The following TGFA variants were observed in gnomAD, a reference collection of about 807,000 sequenced individuals.
TGFA encodes the protein protransforming growth factor alpha.
A neutral mutation model predicts 21.7 loss-of-function variants in TGFA; 12 were observed. That is an observed-to-expected ratio of 0.55 (90% CI 0.35 to 0.90). TGFA has a LOEUF of 0.90. Ranked by LOEUF, TGFA falls within the 40% of genes least tolerant of loss-of-function variation. The pLI, the probability that TGFA is intolerant of heterozygous loss-of-function variation, is 0.01. For missense variants in TGFA, 178 were observed against 210.8 expected, an observed-to-expected ratio of 0.84 and a Z score of 0.96; for synonymous variants, 79 against 88.1, an observed-to-expected ratio of 0.90 and a Z score of 0.58.
chr2:70,543,567 C>T (rs563597354), intron 1 of TGFA, among the ~76,000 whole-genome samples: 89 of 151,164 alleles, frequency 5.9e-4, no homozygotes, highest in African/African-American at 2.2e-3. Flanking sequence ...TTAACTGGGG[C>T]CACAGATACA....
At chr2:70,515,793 A>C (rs1454349788) in intron 1 of TGFA, among the ~76,000 whole-genome samples, 1 of 152,170 alleles carries the variant, frequency 6.6e-6, no homozygotes, top group East Asian at 1.9e-4. Context: ...AAGAAAACCT[A>C]GGGGAGGCAG....
chr2:70,548,596 A>G (rs900617315), intron 1 of TGFA, among the ~76,000 whole-genome samples: 6 of 152,192 alleles, frequency 3.9e-5, no homozygotes, highest in Non-Finnish European at 4.4e-5. Flanking sequence ...TTAAAGCCAA[A>G]CGTGCTAGGC....
At chr2:70,481,905 C>A (rs1414295895) in intron 2 of TGFA, among the ~76,000 whole-genome samples, 3 of 152,176 alleles carry the variant, frequency 2.0e-5, no homozygotes, top group African/African-American at 7.2e-5. Context: ...TTGACAGCAA[C>A]CTCAATGAGA....
intron 2 of TGFA, among the ~76,000 whole-genome samples, chr2:70,498,107 T>C (rs1471701652): frequency 6.6e-6 from 1 of 151,930 alleles, no homozygotes; most frequent in Non-Finnish European, 1.5e-5. Context: ...TTTGGTGAGA[T>C]CTCAGAATCC....
At chr2:70,460,358 A>G (rs1670372112) in intron 3 of TGFA, among the ~76,000 whole-genome samples, 1 of 141,936 alleles carries the variant, frequency 7.0e-6, no homozygotes, top group South Asian at 2.3e-4. Flanking sequence ...GGAAAAAGAA[A>G]AAGGTTTGGT....
intron 2 of TGFA, among the ~76,000 whole-genome samples, chr2:70,468,822 G>C (rs1411033029): frequency 6.6e-6 from 1 of 152,050 alleles, no homozygotes; most frequent in African/African-American, 2.4e-5. Context: ...TCTACATTAT[G>C]GTGAGTTGTA....
intron 2 of TGFA, among the ~76,000 whole-genome samples, chr2:70,472,654 G>A (rs1330389873): frequency 6.6e-6 from 1 of 152,162 alleles, no homozygotes. Flanking sequence ...GCTCCCCTGG[G>A]AGCAGCATCC....
At position 70,453,238 on chromosome 2, in the gene TGFA, G is replaced by T. The variant is rs782326575; in HGVS notation, c.455C>A (p.Ala152Asp). ...KPSALLKGRT[A>D]CCHSETVV ...CTTACCTGTTTCTGAGTGGCAGCAA[G>T]CGGTTCTTCCCTTCAGGAGGGCGCT... is the stretch of plus-strand genomic sequence containing the variant. The change falls in exon 5 of 6, where the codon GCT (alanine) becomes GAT (aspartate). Residue 152 changes from alanine (A) to aspartate (D), a missense_variant. Transcript: ENST00000295400. 2 of 1,613,838 alleles carry T rather than the reference G, an allele frequency of 1.2e-6. No homozygotes were observed. The highest frequency in any genetic ancestry group is 1.7e-6 in the Non-Finnish European group (2 of 1,179,826).
At chr2:70,466,048 A>G (rs1670549509) in intron 2 of TGFA, among the ~76,000 whole-genome samples, 1 of 152,254 alleles carries the variant, frequency 6.6e-6, no homozygotes, top group South Asian at 2.1e-4. Flanking sequence ...TCACTTTTGC[A>G]AAGTGACAGT....
At chr2:70,497,201 C>T (rs782640054) in intron 2 of TGFA, among the ~76,000 whole-genome samples, 11 of 152,276 alleles carry the variant, frequency 7.2e-5, no homozygotes, top group African/African-American at 1.2e-4. Context: ...GTGTTGCACC[C>T]GGCAGAGCTC....
chr2:70,506,364 A>G (rs1671926436), intron 2 of TGFA, among the ~76,000 whole-genome samples: 1 of 152,232 alleles, frequency 6.6e-6, no homozygotes. Flanking sequence ...AGGGCAGTAC[A>G]TTCAGCCTCA....
At chr2:70,481,351 T>C (rs1238754586) in intron 2 of TGFA, among the ~76,000 whole-genome samples, 1 of 152,206 alleles carries the variant, frequency 6.6e-6, no homozygotes, top group Admixed American at 6.5e-5. Context: ...ACTGGCATTC[T>C]ATTTGGGCAG....
At chr2:70,517,939 C>T (rs1553501797) in intron 1 of TGFA, among the ~76,000 whole-genome samples, 1 of 152,266 alleles carries the variant, frequency 6.6e-6, no homozygotes, top group East Asian at 1.9e-4. Context: ...TCACCAGCTG[C>T]CCAGCCCTCT....
At chr2:70,526,680 T>C (rs900204861) in intron 1 of TGFA, among the ~76,000 whole-genome samples, 1 of 152,128 alleles carries the variant, frequency 6.6e-6, no homozygotes, top group Non-Finnish European at 1.5e-5. Flanking sequence ...TATGGGAAAA[T>C]GGGAGTGGGA....
intron 2 of TGFA, among the ~76,000 whole-genome samples, chr2:70,497,857 A>G (rs782791237): frequency 2.0e-5 from 3 of 152,182 alleles, no homozygotes; most frequent in Non-Finnish European, 4.4e-5. Context: ...AAATGCGCAA[A>G]TCTGTATTTT....
rs534154593 is a variant in TGFA, at chr2:70,516,965, T to C, written c.41-2053A>G. ...GTCAGCATGGTTCCTGGGCTCCATG[T>C]TGGCCTCTGTTTAAGCAAAACCCAG... On this transcript the variant is annotated intron_variant, in intron 1 of 5. Transcript: ENST00000295400. Among the ~76,000 whole-genome samples, 8 of 152,350 alleles carry C rather than the reference T, an allele frequency of 5.3e-5. No individual in the cohort carries two copies. The South Asian group carries it at 1.0e-3, about 20-fold the overall frequency.
At chr2:70,533,006 T>C (rs1251802735) in intron 1 of TGFA, among the ~76,000 whole-genome samples, 2 of 151,802 alleles carry the variant, frequency 1.3e-5, no homozygotes, top group Non-Finnish European at 2.9e-5. Context: ...GGGTGACAGA[T>C]GCACACAACC....
At chr2:70,495,303 C>T (rs1289234365) in intron 2 of TGFA, among the ~76,000 whole-genome samples, 9 of 152,146 alleles carry the variant, frequency 5.9e-5, no homozygotes, top group Non-Finnish European at 1.2e-4. Context: ...CCCAGTGTTG[C>T]AATGTTTTAA....
chr2:70,488,828 G>A (rs1240151542), intron 2 of TGFA, among the ~76,000 whole-genome samples: 3 of 152,078 alleles, frequency 2.0e-5, no homozygotes, highest in Non-Finnish European at 2.9e-5. Context: ...CCATTTATTC[G>A]CATTTCTGTG....
Sources: gnomAD v4.1 joint callset for allele counts (sites outside exome capture counted in the v4.1 genomes callset) on GRCh38, gnomAD v4.1.1 for gene constraint, MANE v1.5 for transcripts, NCBI Gene and HGNC (gene_info 2026-07-23, HGNC 2026-07-21) for gene names.